The following TSEN2 variants were observed in gnomAD, a reference collection of about 807,000 sequenced individuals.
TSEN2 encodes tRNA-splicing endonuclease subunit Sen2.
In TSEN2, 54 loss-of-function variants were observed where a neutral mutation model predicts 59.2. The ratio of observed to expected loss-of-function variants is 0.91; its 90% CI spans 0.73 to 1.14. The LOEUF is 1.14. Among genes scored for constraint, TSEN2 ranks in the 50% most tolerant of loss-of-function variants. The probability of loss-of-function intolerance (pLI) is 0.00; values close to 1 mark genes in which losing one functional copy is unlikely to be tolerated. For synonymous variants in TSEN2, 195 were observed against 198.2 expected (o/e 0.98, Z 0.14); for missense variants, 636 against 576.2 (o/e 1.10, Z -1.06).
chr3:12,506,600 C>G, intron 6 of TSEN2: 1 of 673,348 alleles, frequency 1.5e-6, no homozygotes, highest in Non-Finnish European at 1.8e-6. Flanking sequence ...AAAAAAGTGG[C>G]TAAAAGTGGC....
intron 6 of TSEN2, among the ~76,000 whole-genome samples, chr3:12,512,578 A>T (rs2055588702): frequency 6.6e-6 from 1 of 152,240 alleles, no homozygotes; most frequent in African/African-American, 2.4e-5. Flanking sequence ...TGAAAGTATT[A>T]CACAGTGACT....
chr3:12,511,647 G>C (rs574664677), intron 6 of TSEN2, among the ~76,000 whole-genome samples: 2 of 150,202 alleles, frequency 1.3e-5, no homozygotes, highest in African/African-American at 4.9e-5. Flanking sequence ...GCTCACTGCA[G>C]CCTCAGTCTC....
intron 8 of TSEN2, among the ~76,000 whole-genome samples, chr3:12,520,662 C>T (rs550000923): frequency 2.6e-4 from 39 of 151,992 alleles, no homozygotes; most frequent in African/African-American, 9.2e-4. Flanking sequence ...TGGTAGCAGG[C>T]ACTTGTAATC....
At position 12,531,558 on chromosome 3, in the gene TSEN2, A is replaced by T. The variant is rs370637450; in HGVS notation, c.1249-12A>T. The T allele has an allele frequency of 6.3e-7, 1 of 1,591,358 alleles. No individual in the cohort carries two copies. The highest frequency in any genetic ancestry group is 1.7e-5 in the Admixed American group (1 of 59,952). ...TTGTAGGATACAGAAGTGGTTTTTC[A>T]TTTCTCAATAGGAACTTATGCTGTG... On this transcript the variant is annotated splice_polypyrimidine_tract_variant and intron_variant, in intron 10 of 11. Coordinates refer to ENST00000284995, the MANE Select transcript of TSEN2 (RefSeq NM_025265.4).
At chr3:12,492,662 A>C (rs984252741) in intron 3 of TSEN2, among the ~76,000 whole-genome samples, 1 of 152,274 alleles carries the variant, frequency 6.6e-6, no homozygotes, top group African/African-American at 2.4e-5. Flanking sequence ...GTAATTACTT[A>C]AGAACCAATA....
intron 6 of TSEN2, among the ~76,000 whole-genome samples, chr3:12,514,408 CGACGT>C (rs1319474878): frequency 6.6e-6 from 1 of 152,060 alleles, no homozygotes; most frequent in African/African-American, 2.4e-5. Flanking sequence ...ATTAGGGGAA[CGACGT>C]GATTTTCGTG....
At chr3:12,489,573 T>G (rs2052997020) in intron 1 of TSEN2, among the ~76,000 whole-genome samples, 1 of 152,212 alleles carries the variant, frequency 6.6e-6, no homozygotes, top group Non-Finnish European at 1.5e-5. Context: ...TGGGGTTTAT[T>G]GTGGGGATTA....
chr3:12,484,195 A>C (rs1481879062), upstream of TSEN2, among the ~76,000 whole-genome samples: 1 of 152,176 alleles, frequency 6.6e-6, no homozygotes, highest in Non-Finnish European at 1.5e-5. Context: ...GGTCTCTCCC[A>C]CCTCCCACGT....
Position 12,496,573 on chromosome 3 carries a change from T to C in TSEN2, c.308+19T>C, listed in dbSNP as rs1394099469. 1 of 1,613,972 alleles carries C rather than the reference T, an allele frequency of 6.2e-7. No homozygotes were observed. The highest frequency in any genetic ancestry group is 8.5e-7 in the Non-Finnish European group (1 of 1,179,874). On this transcript the variant is annotated intron_variant, in intron 4 of 11. Coordinates refer to ENST00000284995, the MANE Select transcript of TSEN2 (RefSeq NM_025265.4). The stretch of plus-strand genomic sequence containing the variant: ...CAAAGAGGTAAGTCATAATGAACTT[T>C]GGCTTCTGTCAAAATGATGGTTTAA...
At chr3:12,530,061 T>G in intron 10 of TSEN2, 188 bp downstream of exon 10, 1 of 1,433,378 alleles carries the variant, frequency 7.0e-7, no homozygotes, top group Non-Finnish European at 9.1e-7. Context: ...CCTCCCCTCA[T>G]GTTACATTTT....
intron 10 of TSEN2, 186 bp downstream of exon 10, chr3:12,530,059 C>G: frequency 7.0e-7 from 1 of 1,434,590 alleles, no homozygotes; most frequent in South Asian, 1.6e-5. Context: ...GTCCTCCCCT[C>G]ATGTTACATT....
At chr3:12,509,204 G>C (rs574232560) in intron 6 of TSEN2, among the ~76,000 whole-genome samples, 1 of 110,458 alleles carries the variant, frequency 9.1e-6, no homozygotes, top group Non-Finnish European at 1.8e-5. Context: ...TTTTTTTGTT[G>C]TTGTTTTTTT....
upstream of TSEN2, chr3:12,484,317 C>G (rs1448496619): frequency 6.6e-6 from 1 of 152,418 alleles, no homozygotes; most frequent in South Asian, 2.1e-4. Flanking sequence ...CACGCAGCCT[C>G]CGCCTCATAC....
At chr3:12,529,941 T>C in intron 10 of TSEN2, 68 bp downstream of exon 10, 1 of 1,571,884 alleles carries the variant, frequency 6.4e-7, no homozygotes, top group Non-Finnish European at 8.6e-7. Context: ...TTTTCTTAAA[T>C]GTAGTAGAAT....
chr3:12,518,767 A>C (rs889649335), intron 7 of TSEN2, among the ~76,000 whole-genome samples: 3 of 150,572 alleles, frequency 2.0e-5, no homozygotes, highest in Non-Finnish European at 4.4e-5. Context: ...AGCCACTCTC[A>C]GTTCAGACTA....
intron 7 of TSEN2, among the ~76,000 whole-genome samples, chr3:12,518,668 A>G (rs999881172): frequency 9.9e-5 from 15 of 151,912 alleles, no homozygotes; most frequent in African/African-American, 2.9e-4. Flanking sequence ...ATTTAACCCA[A>G]CTTATTCAAA....
At chr3:12,494,615 G>T (rs1374607328) in intron 3 of TSEN2, among the ~76,000 whole-genome samples, 1 of 151,680 alleles carries the variant, frequency 6.6e-6, no homozygotes, top group Non-Finnish European at 1.5e-5. Flanking sequence ...TGAGCAGGCT[G>T]GTCTCAAACT....
rs116289205 is a variant in TSEN2 at position 12,515,453 on chromosome 3, A to G, written c.910-1158A>G. On this transcript the variant is annotated intron_variant, in intron 6 of 11. Transcript: ENST00000284995. ...GAAGCAGAATATTTGATGTTTGGTT[A>G]TCAATCTAATTTTTCACCTTCATAT... Among the ~76,000 whole-genome samples, 1,168 of 152,290 alleles carry G rather than the reference A, an allele frequency of 7.7e-3. 16 individuals are homozygous for G. The highest frequency in any genetic ancestry group is 0.027 in the African/African-American group (1,103 of 41,566).
chr3:12,490,940 A>G (rs1360635520), intron 2 of TSEN2, among the ~76,000 whole-genome samples: 3 of 152,208 alleles, frequency 2.0e-5, no homozygotes, highest in Non-Finnish European at 4.4e-5. Flanking sequence ...AAGAGGCTTT[A>G]TAAAGTGCTG....
Sources: gnomAD v4.1 joint callset for allele counts (sites outside exome capture counted in the v4.1 genomes callset) on GRCh38, gnomAD v4.1.1 for gene constraint, MANE v1.5 for transcripts, NCBI Gene and HGNC (gene_info 2026-07-23, HGNC 2026-07-21) for gene names.